Variants in RIMBP2 observed in about 807,000 individuals in gnomAD.
RIMBP2 encodes the protein RIMS-binding protein 2.
Under a neutral mutation model 118.6 loss-of-function variants are expected in RIMBP2, and 48 were observed. The ratio of observed to expected loss-of-function variants is 0.40; its 90% CI spans 0.32 to 0.51. The LOEUF is 0.51. RIMBP2 is among the 20% of genes least tolerant of loss of function. RIMBP2 has a pLI of 0.41. For missense variants in RIMBP2, 1,551 were observed against 1,768.3 expected, an observed-to-expected ratio of 0.88 and a Z score of 2.20; for synonymous variants, 762 against 742.9, an observed-to-expected ratio of 1.03 and a Z score of -0.42.
intron 4 of RIMBP2, among the ~76,000 whole-genome samples, chr12:130,487,186 C>T (rs55764403): frequency 2.0e-5 from 3 of 152,194 alleles, no homozygotes; most frequent in African/African-American, 7.2e-5. Flanking sequence ...TCCTGCTGTC[C>T]GACATGCTTG....
At chr12:130,698,687 A>G (rs567791707) in intron 1 of RIMBP2, among the ~76,000 whole-genome samples, 29 of 152,342 alleles carry the variant, frequency 1.9e-4, no homozygotes, top group Admixed American at 1.4e-3. Flanking sequence ...CTTCATGTCT[A>G]AAACACCAAA....
intron 6 of RIMBP2, among the ~76,000 whole-genome samples, chr12:130,468,192 C>T (rs2080675551): frequency 6.6e-6 from 1 of 152,208 alleles, no homozygotes; most frequent in Admixed American, 6.5e-5. Flanking sequence ...GATCAGGTTC[C>T]CAAAGTGCTC....
chr12:130,673,591 C>A (rs1309702355), intron 1 of RIMBP2, among the ~76,000 whole-genome samples: 2 of 152,118 alleles, frequency 1.3e-5, no homozygotes, highest in Non-Finnish European at 2.9e-5. Flanking sequence ...TGCCAGAAAT[C>A]CTGCTTCGAG....
chr12:130,668,891 G>A (rs1344894637), intron 1 of RIMBP2, among the ~76,000 whole-genome samples: 1 of 152,250 alleles, frequency 6.6e-6, no homozygotes, highest in African/African-American at 2.4e-5. Flanking sequence ...GTTAAGCCAA[G>A]TTGAGCCAAG....
At chr12:130,484,813 G>A (rs1294126205) in intron 4 of RIMBP2, among the ~76,000 whole-genome samples, 3 of 152,224 alleles carry the variant, frequency 2.0e-5, no homozygotes, top group Non-Finnish European at 2.9e-5. Context: ...CTGAACACCT[G>A]GGCTCAAATC....
At chr12:130,453,808 C>T (rs937577053) in intron 7 of RIMBP2, among the ~76,000 whole-genome samples, 2 of 152,152 alleles carry the variant, frequency 1.3e-5, no homozygotes, top group South Asian at 2.1e-4. Flanking sequence ...AATCCCAGCA[C>T]TTTGGGAGAC....
chr12:130,696,202 G>A (rs1417181546), intron 1 of RIMBP2, among the ~76,000 whole-genome samples: 1 of 152,156 alleles, frequency 6.6e-6, no homozygotes, highest in Non-Finnish European at 1.5e-5. Context: ...TTTAACATGG[G>A]TACACGCAAA....
chr12:130,675,394 C>G (rs1358103726), intron 1 of RIMBP2, among the ~76,000 whole-genome samples: 1 of 152,174 alleles, frequency 6.6e-6, no homozygotes, highest in African/African-American at 2.4e-5. Flanking sequence ...CTCCACCGCC[C>G]CAGCTCTGCC....
intron 2 of RIMBP2, among the ~76,000 whole-genome samples, chr12:130,530,707 T>C (rs1451534115): frequency 6.6e-6 from 1 of 152,218 alleles, no homozygotes; most frequent in Admixed American, 6.5e-5. Flanking sequence ...TTGCCTTTTT[T>C]TAAAAAATCA....
At chr12:130,612,117 G>C (rs1327866207) in intron 2 of RIMBP2, among the ~76,000 whole-genome samples, 2 of 152,042 alleles carry the variant, frequency 1.3e-5, no homozygotes, top group Non-Finnish European at 2.9e-5. Context: ...ACACAGCACA[G>C]CTCAGAGTCA....
chr12:130,538,807 G>A (rs1217222763), intron 2 of RIMBP2, among the ~76,000 whole-genome samples: 1 of 152,144 alleles, frequency 6.6e-6, no homozygotes, highest in Non-Finnish European at 1.5e-5. Flanking sequence ...GTCATGGGCA[G>A]TGACAAACGT....
chr12:130,598,041 G>T (rs1315205865), intron 2 of RIMBP2, among the ~76,000 whole-genome samples: 1 of 152,098 alleles, frequency 6.6e-6, no homozygotes, highest in Admixed American at 6.5e-5. Flanking sequence ...ATTTGGCAAG[G>T]TAGCAGAAAA....
At chr12:130,644,879 A>G (rs2062782325) in intron 1 of RIMBP2, among the ~76,000 whole-genome samples, 2 of 152,198 alleles carry the variant, frequency 1.3e-5, no homozygotes, top group South Asian at 4.1e-4. Context: ...GCTGTGGCCC[A>G]CTGGGTTTCC....
At chr12:130,539,363 G>A (rs1377899250) in intron 2 of RIMBP2, among the ~76,000 whole-genome samples, 3 of 152,204 alleles carry the variant, frequency 2.0e-5, no homozygotes, top group African/African-American at 7.2e-5. Flanking sequence ...CAAATGTAGA[G>A]ATTTCTAGAA....
Position 130,703,513 on chromosome 12 carries a change from C to A in RIMBP2, c.-352+12709G>T, listed in dbSNP as rs551358949. 1.3e-5 allele frequency among the ~76,000 whole-genome samples: 2 copies of A among 152,286 alleles called. No individual in the cohort carries two copies. Among genetic ancestry groups the A allele is most frequent in the Admixed American group, 1.3e-4 (2 of 15,300 alleles). On this transcript the variant is annotated intron_variant, in intron 1 of 22. Coordinates refer to ENST00000690449, the MANE Select transcript of RIMBP2 (RefSeq NM_001393629.1). The surrounding 1 kb of genome is among the most constrained non-coding windows in gnomAD (Gnocchi z 5.7). ...CTCCCCAATCCCTCACCCACTGCTGCGACCACCCGGTGCTCAGCTCAGGGC... is the reference window on the plus strand; with the variant it reads ...CTCCCCAATCCCTCACCCACTGCTGAGACCACCCGGTGCTCAGCTCAGGGC...
intron 2 of RIMBP2, among the ~76,000 whole-genome samples, chr12:130,550,525 T>C (rs1170205867): frequency 6.6e-6 from 1 of 152,182 alleles, no homozygotes; most frequent in Non-Finnish European, 1.5e-5. Context: ...GGTACCACGG[T>C]GGTGAATGAT....
chr12:130,690,839 A>G (rs962857168), intron 1 of RIMBP2, among the ~76,000 whole-genome samples: 8 of 152,254 alleles, frequency 5.3e-5, no homozygotes, highest in East Asian at 1.9e-4. Context: ...AGAGAACCCA[A>G]TAGCCCTCAG....
chr12:130,482,021 G>A (rs1034416249), intron 4 of RIMBP2, among the ~76,000 whole-genome samples: 20 of 152,056 alleles, frequency 1.3e-4, no homozygotes, highest in Admixed American at 1.2e-3. Context: ...TTAGGAGGAC[G>A]GGGACAAGCC....
rs547734929 is a variant in RIMBP2, at chr12:130,574,316, G to A, written c.-217+54006C>T. 6.4e-4 allele frequency among the ~76,000 whole-genome samples: 98 copies of A among 152,134 alleles called. 1 individual carries two copies. Among genetic ancestry groups the A allele is most frequent in the African/African-American group, 2.2e-3 (93 of 41,488 alleles). The stretch of plus-strand genomic sequence containing the variant: ...ATCCACAACCCCCATGTTCATCACC[G>A]AGGGGGACACCACACACATGGCGAG... On this transcript the variant is annotated intron_variant, in intron 2 of 22. Transcript: ENST00000690449.
Sources: gnomAD v4.1 joint callset for allele counts (sites outside exome capture counted in the v4.1 genomes callset) on GRCh38, gnomAD v4.1.1 for gene constraint, Gnocchi (gnomAD v3.1) non-coding constraint, MANE v1.5 for transcripts, NCBI Gene and HGNC (gene_info 2026-07-23, HGNC 2026-07-21) for gene names.